Variants in RNF125 observed in about 807,000 individuals in gnomAD.
The protein encoded by RNF125 is E3 ubiquitin-protein ligase RNF125.
A neutral mutation model predicts 26.0 loss-of-function variants in RNF125; 21 were observed. The ratio of observed to expected loss-of-function variants is 0.81; its 90% CI spans 0.57 to 1.16. The LOEUF (loss-of-function observed/expected upper bound fraction) is 1.16. Ranked by LOEUF, RNF125 falls within the 50% of genes most tolerant of loss-of-function variation. RNF125 has a pLI of 0.00. For missense variants in RNF125, 270 were observed against 299.4 expected (o/e 0.90, Z 0.72); for synonymous variants, 95 against 109.2 (o/e 0.87, Z 0.81).
downstream of RNF125, chr18:32,076,128 C>T (rs993082050): frequency 4.1e-5 from 25 of 603,404 alleles, no homozygotes; most frequent in Non-Finnish European, 5.8e-5. Flanking sequence ...ATTTCAGACT[C>T]GCCAATGTAA....
intron 2 of RNF125, chr18:32,041,674 A>G (rs1287584472): frequency 9.8e-6 from 1 of 102,102 alleles, no homozygotes; most frequent in African/African-American, 3.9e-5. Flanking sequence ...TCTGTCGCCC[A>G]GGCTGGAGTG....
the RNF125 span, among the ~76,000 whole-genome samples, chr18:32,079,707 C>A: frequency 6.6e-6 from 1 of 152,220 alleles, no homozygotes; most frequent in Non-Finnish European, 1.5e-5. Flanking sequence ...AGATGCATTC[C>A]TTCTCTTTAG....
rs1598830472 is a variant in RNF125 at position 32,070,998 on chromosome 18, C to G, written c.*2614C>G. On this transcript the variant is annotated 3_prime_UTR_variant, in exon 6 of 6. Transcript: ENST00000217740. ...GGATTACAGGTGTGAGCCACTGCGCCCGACATCCCAATTTTTAAAATAGTT... is the reference window on the plus strand; with the variant it reads ...GGATTACAGGTGTGAGCCACTGCGCGCGACATCCCAATTTTTAAAATAGTT... 1 of 152,210 alleles carries G rather than the reference C, an allele frequency of 6.6e-6. No individual in the cohort carries two copies. The highest frequency in any genetic ancestry group is 1.5e-5 in the Non-Finnish European group (1 of 68,080). The allele number at this position is 152,210 out of a possible 1,614,324, so 9.4% of individuals were successfully genotyped here.
Position 32,052,114 on chromosome 18 carries a change from G to A in RNF125, c.504+6382G>A, listed in dbSNP as rs554420033. ...CCCCTCTCCATAGCAGTTAATTTCC[G>A]TGAGTACTTAGAATATCTGTGACTT... On this transcript the variant is annotated intron_variant, in intron 4 of 5. Transcript: ENST00000217740. Among the ~76,000 whole-genome samples the A allele has an allele frequency of 9.2e-5, 14 of 152,222 alleles. No individual in the cohort carries two copies. In the East Asian group the frequency reaches 2.3e-3, roughly 25 times the overall value.
At chr18:32,065,799 G>T in intron 4 of RNF125, 103 bp from the exon 5 acceptor site, 11 of 763,994 alleles carry the variant, frequency 1.4e-5, no homozygotes, top group Non-Finnish European at 2.2e-5. Flanking sequence ...CCAAAGTACT[G>T]GGATTACAGG....
chr18:32,050,476 A>G (rs2039312859), intron 4 of RNF125, among the ~76,000 whole-genome samples: 1 of 152,096 alleles, frequency 6.6e-6, no homozygotes, highest in Non-Finnish European at 1.5e-5. Context: ...CACCTTCACA[A>G]CTGGATAATT....
chr18:32,019,115 C>T (rs2038960723), intron 1 of RNF125, 88 bp downstream of exon 1: 1 of 1,477,758 alleles, frequency 6.8e-7, no homozygotes, highest in Middle Eastern at 1.7e-4. Flanking sequence ...AGGAGGGGGA[C>T]GGAAGACAGC....
At chr18:32,028,265 T>G (rs1293249651) in intron 1 of RNF125, among the ~76,000 whole-genome samples, 3 of 124,074 alleles carry the variant, frequency 2.4e-5, no homozygotes, top group African/African-American at 3.2e-5. Flanking sequence ...ACCACGGCAC[T>G]CCAGCCTGGG....
At chr18:32,048,600 C>T (rs1366024375) in intron 4 of RNF125, among the ~76,000 whole-genome samples, 1 of 152,116 alleles carries the variant, frequency 6.6e-6, no homozygotes, top group Non-Finnish European at 1.5e-5. Flanking sequence ...GTAACAAAGA[C>T]AGAATTTGAA....
At chr18:32,031,366 C>A in intron 1 of RNF125, 2 of 150,642 alleles carry the variant, frequency 1.3e-5, no homozygotes. Context: ...AGCACAGTAG[C>A]GTTTTATGAA....
chr18:32,082,153 C>G, the RNF125 span, among the ~76,000 whole-genome samples: 1 of 152,076 alleles, frequency 6.6e-6, no homozygotes, highest in African/African-American at 2.4e-5. Context: ...AATAGGATGT[C>G]ACTATCAGTA....
chr18:32,039,167 C>T (rs1229360443), intron 2 of RNF125, among the ~76,000 whole-genome samples: 6 of 150,938 alleles, frequency 4.0e-5, no homozygotes, highest in Non-Finnish European at 7.4e-5. Flanking sequence ...TTTGGGAGCC[C>T]GAGGCGGGAG....
At chr18:32,027,796 T>C (rs969051493) in intron 1 of RNF125, among the ~76,000 whole-genome samples, 1 of 152,088 alleles carries the variant, frequency 6.6e-6, no homozygotes, top group Non-Finnish European at 1.5e-5. Flanking sequence ...CATACACATT[T>C]ATTAATATGC....
In RNF125 at chr18:32,018,874, T is replaced by C; in HGVS notation, c.11T>C (p.Val4Ala). The change falls in exon 1 of 6, where the codon GTG becomes GCG. Residue 4 changes from valine to alanine, a missense_variant. Transcript: ENST00000217740. The stretch of plus-strand genomic sequence containing the variant: ...GCGAGAGGCACAGCGATGGGCTCCG[T>C]GCTGAGCACCGACAGCGGCAAATCG... MGS[V>A]LSTDSGKSAP... The C allele has an allele frequency of 1.3e-6, 2 of 1,586,024 alleles. No individual in the cohort carries two copies. Among genetic ancestry groups the C allele is most frequent in the Non-Finnish European group, 1.7e-6 (2 of 1,166,808 alleles).
chr18:32,043,680 G>A lies in RNF125; in HGVS notation c.413+1407G>A, dbSNP rs530349251. On this transcript the variant is annotated intron_variant, in intron 3 of 5. Transcript: ENST00000217740. Reference sequence around the variant, plus strand: ...TATGAAAATTTAAAAATATATGAAAGCTAATTTGAATCCCAATTTCTTTTA... The same window carrying A: ...TATGAAAATTTAAAAATATATGAAAACTAATTTGAATCCCAATTTCTTTTA... Among the ~76,000 whole-genome samples the A allele has an allele frequency of 2.0e-5, 3 of 152,122 alleles. No individual in the cohort carries two copies. The South Asian group carries it at 6.2e-4, about 31-fold the overall frequency.
Position 32,072,020 on chromosome 18 carries a change from T to TAAACAA in RNF125, c.*3650_*3655dup, listed in dbSNP as rs1450114447. 6.6e-6 allele frequency: 1 copy of TAAACAA among 151,992 alleles called. No homozygotes were observed. The highest frequency in any genetic ancestry group is 2.4e-5 in the African/African-American group (1 of 41,368). 9.4% of individuals were successfully genotyped at this position (151,992 alleles called of 1,614,324 possible). A position where few individuals can be genotyped will look rare whatever the true frequency, so the allele number is the denominator to read the frequency against. On this transcript the variant is annotated 3_prime_UTR_variant, in exon 6 of 6. Transcript: ENST00000217740. Reference sequence around the variant, plus strand: ...GCAATATAGTGAGACTCTTTCTATTTAAACAAAAACAAAAACAAACAAACA... The same window carrying TAAACAA: ...GCAATATAGTGAGACTCTTTCTATTTAAACAAAAACAAAAACAAAAACAAACAAACA...
At chr18:32,080,684 A>G in the RNF125 span, among the ~76,000 whole-genome samples, 2 of 152,202 alleles carry the variant, frequency 1.3e-5, no homozygotes, top group Non-Finnish European at 2.9e-5. Flanking sequence ...AGATAACGCT[A>G]CTGTCTTATA....
chr18:32,060,515 G>A (rs76589973), intron 4 of RNF125, among the ~76,000 whole-genome samples: 3,385 of 152,268 alleles, frequency 0.022, 127 homozygotes, highest in African/African-American at 0.079. Flanking sequence ...GATGAAGCCA[G>A]CATATTTTGA....
chr18:32,081,318 C>T, the RNF125 span, among the ~76,000 whole-genome samples: 1 of 151,958 alleles, frequency 6.6e-6, no homozygotes, highest in African/African-American at 2.4e-5. Flanking sequence ...CTATGACACC[C>T]AGTTTAGGAA....
Sources: allele counts gnomAD v4.1 joint callset (sites outside exome capture counted in the v4.1 genomes callset), GRCh38; gene constraint gnomAD v4.1.1; transcripts MANE v1.5; gene names NCBI Gene and HGNC (gene_info 2026-07-23, HGNC 2026-07-21).